The following CHI3L2 variants were observed in gnomAD, a reference collection of about 807,000 sequenced individuals.
The protein encoded by CHI3L2 is chitinase 3 like 2.
A neutral mutation model predicts 47.3 loss-of-function variants in CHI3L2; 47 were observed. The observed-to-expected ratio is 0.99, with a 90% CI of 0.79 to 1.27. The LOEUF is 1.27. Among genes scored for constraint, CHI3L2 ranks in the 50% most tolerant of loss-of-function variants. The probability of loss-of-function intolerance (pLI) is 0.00; values close to 1 mark genes in which losing one functional copy is unlikely to be tolerated. For synonymous variants in CHI3L2, 198 were observed against 169.9 expected (o/e 1.17, Z -1.28); for missense variants, 497 against 462.1 (o/e 1.08, Z -0.69).
chr1:111,242,951 T>C (rs1488130268), intron 10 of CHI3L2, among the ~76,000 whole-genome samples: 1 of 152,206 alleles, frequency 6.6e-6, no homozygotes, highest in Non-Finnish European at 1.5e-5. Flanking sequence ...CCTGTGCAGA[T>C]GAAGGCTGTT....
intron 7 of CHI3L2, among the ~76,000 whole-genome samples, chr1:111,237,725 C>A (rs1659925300): frequency 6.6e-6 from 1 of 152,166 alleles, no homozygotes; most frequent in South Asian, 2.1e-4. Context: ...AAATAAAATT[C>A]TAAGCCCCCC....
intron 7 of CHI3L2, 67 bp from the exon 8 acceptor site, chr1:111,238,683 A>T (rs1019180555): frequency 6.5e-7 from 1 of 1,528,298 alleles, no homozygotes; most frequent in Admixed American, 1.7e-5. Context: ...TTTGGGATAG[A>T]GGCTAAAAAA....
intron 7 of CHI3L2, 100 bp from the exon 8 acceptor site, chr1:111,238,650 A>G (rs1371626986): frequency 7.9e-7 from 1 of 1,269,928 alleles, no homozygotes; most frequent in African/African-American, 1.5e-5. Flanking sequence ...TAGAAAAGAA[A>G]CCAGGCAGTC....
intron 4 of CHI3L2, 45 bp from the exon 5 acceptor site, chr1:111,234,862 G>A (rs373235167): frequency 7.0e-6 from 11 of 1,575,636 alleles, no homozygotes; most frequent in African/African-American, 6.8e-5. Context: ...CACTACAAGT[G>A]TTACTTGTTC....
At chr1:111,241,301 C>T (rs1349951125) in intron 8 of CHI3L2, 26 bp from the exon 9 acceptor site, 1 of 1,250,620 alleles carries the variant, frequency 8.0e-7, no homozygotes, top group South Asian at 1.2e-5. Flanking sequence ...CATTACTGAC[C>T]CTCTCGTTTC....
intron 7 of CHI3L2, among the ~76,000 whole-genome samples, chr1:111,238,243 T>C (rs1659939906): frequency 6.6e-6 from 1 of 152,236 alleles, no homozygotes; most frequent in Non-Finnish European, 1.5e-5. Flanking sequence ...CTGAGAGCTG[T>C]GTCATGGGCC....
chr1:111,235,852 G>A (rs1659870185), intron 6 of CHI3L2, 89 bp downstream of exon 6: 9 of 1,563,606 alleles, frequency 5.8e-6, no homozygotes, highest in Non-Finnish European at 7.8e-6. Flanking sequence ...ATGAGGGGAG[G>A]AGGAAGAGAG....
chr1:111,229,515 T>G (rs1659631112), intron 1 of CHI3L2, among the ~76,000 whole-genome samples: 1 of 149,542 alleles, frequency 6.7e-6, no homozygotes, highest in African/African-American at 2.5e-5. Context: ...ACCCCGTCTC[T>G]ACTAAAAATA....
rs1365700593 is a variant in CHI3L2 at position 111,236,023 on chromosome 1, G to C, written c.606-1G>C. 6 of 1,613,812 alleles carry C rather than the reference G, an allele frequency of 3.7e-6. No homozygotes were observed. In the South Asian group the frequency reaches 6.6e-5, roughly 18 times the overall value. Reference sequence around the variant, plus strand: ...CTCTCCCATTGCTTTTGGCACTTTAGAGATCTGGATTTCATCAACCTCCTG... The same window carrying C: ...CTCTCCCATTGCTTTTGGCACTTTACAGATCTGGATTTCATCAACCTCCTG... On this transcript the variant is annotated splice_acceptor_variant, in intron 6 of 10. Transcript: ENST00000369748. LOFTEE classifies it high-confidence loss of function.
At position 111,243,420 on chromosome 1, in the gene CHI3L2, A is replaced by G; in HGVS notation, c.*206A>G. ...TTGTTGCCCTGAAGTACAATAAAAA[A>G]AATTCATTTTGCTCCAGTAAGTATG... On this transcript the variant is annotated 3_prime_UTR_variant, in exon 11 of 11. Coordinates refer to ENST00000369748, the MANE Select transcript of CHI3L2 (RefSeq NM_004000.3). 1 of 359,446 alleles carries G rather than the reference A, an allele frequency of 2.8e-6. No homozygotes were observed. Among genetic ancestry groups the G allele is most frequent in the South Asian group, 2.1e-5 (1 of 46,936 alleles). 22.3% of individuals were successfully genotyped at this position (359,446 alleles called of 1,614,324 possible).
chr1:111,242,843 T>C (rs1448290044), intron 10 of CHI3L2, among the ~76,000 whole-genome samples: 1 of 152,230 alleles, frequency 6.6e-6, no homozygotes, highest in Non-Finnish European at 1.5e-5. Context: ...TCATTATTGC[T>C]ACGCCTTTAC....
At chr1:111,230,985 A>T in intron 3 of CHI3L2, 42 bp downstream of exon 3, 1 of 1,524,520 alleles carries the variant, frequency 6.6e-7, no homozygotes, top group Non-Finnish European at 9.1e-7. Context: ...TGGATTTTAG[A>T]GGAGGGAAGC....
Position 111,241,338 on chromosome 1 carries a change from C to T in CHI3L2, c.930C>T (p.Phe310=). 2.5e-6 allele frequency: 4 copies of T among 1,577,374 alleles called. No individual in the cohort carries two copies. The highest frequency in any genetic ancestry group is 3.5e-6 in the Non-Finnish European group (4 of 1,145,944). Residue 310 remains phenylalanine (F), a synonymous_variant, in exon 9 of 11, where the codon TTC becomes TTT. Transcript: ENST00000369748. ...CTTTCCCCTGCCAGATCTGCCAGTT[C>T]CTGAAAGGAGCCAAGATCACGCGGC... ...GFLAYYEICQ[F]LKGAKITRLQ...
Position 111,235,070 on chromosome 1 carries a change from T to A in CHI3L2, c.480+13T>A. On this transcript the variant is annotated intron_variant, in intron 5 of 10. Coordinates refer to ENST00000369748, the MANE Select transcript of CHI3L2 (RefSeq NM_004000.3). ...TGTGCTGATTCATGTAAGTCATGAA[T>A]CAAGTAATTCATGTGAGTCAGATGC... 1 of 1,612,842 alleles carries A rather than the reference T, an allele frequency of 6.2e-7. No individual in the cohort carries two copies. Among genetic ancestry groups the A allele is most frequent in the South Asian group, 1.1e-5 (1 of 91,062 alleles).
At position 111,235,781 on chromosome 1, in the gene CHI3L2, A is replaced by G; in HGVS notation, c.605+18A>G. On this transcript the variant is annotated intron_variant, in intron 6 of 10. Transcript: ENST00000369748. ...CTGGCAAAGTGAGTACATCAGAGCA[A>G]CTTTCCATCCCTCTGCTTCCAATTT... The G allele has an allele frequency of 1.9e-6, 3 of 1,610,590 alleles. No individual in the cohort carries two copies. The South Asian group carries it at 3.3e-5, about 18-fold the overall frequency.
chr1:111,235,940 A>C, intron 6 of CHI3L2, 84 bp from the exon 7 acceptor site: 2 of 1,574,082 alleles, frequency 1.3e-6, no homozygotes, highest in Non-Finnish European at 1.7e-6. Context: ...TTCTAGCAGC[A>C]TCATTCAAAG....
intron 4 of CHI3L2, among the ~76,000 whole-genome samples, chr1:111,234,485 C>T (rs1262168023): frequency 6.6e-6 from 1 of 152,130 alleles, no homozygotes; most frequent in Non-Finnish European, 1.5e-5. Flanking sequence ...TGGGGGATGG[C>T]AGGGGGTGAG....
chr1:111,237,109 GAGGCTTAGAATCTTGC>G (rs1434099881), intron 7 of CHI3L2, among the ~76,000 whole-genome samples: 1 of 152,198 alleles, frequency 6.6e-6, no homozygotes. Flanking sequence ...GCAATTTGGG[GAGGCTTAGAATCTTGC>G]AGCCTTTGGC....
At position 111,232,374 on chromosome 1, in the gene CHI3L2, C is replaced by A. The variant is rs77034491; in HGVS notation, c.329+1080C>A. ...GCATTCATTCATTCATTCATTCATT[C>A]AGTAAATTCATTCAGTAAGTAATTG... is the stretch of plus-strand genomic sequence containing the variant. On this transcript the variant is annotated intron_variant, in intron 4 of 10. Transcript: ENST00000369748. 2.0e-3 allele frequency among the ~76,000 whole-genome samples: 301 copies of A among 152,034 alleles called. 1 individual carries two copies. The highest frequency in any genetic ancestry group is 6.9e-3 in the African/African-American group (285 of 41,506).
Sources: gnomAD v4.1 joint callset for allele counts (sites outside exome capture counted in the v4.1 genomes callset) on GRCh38, gnomAD v4.1.1 for gene constraint, MANE v1.5 for transcripts, NCBI Gene and HGNC (gene_info 2026-07-23, HGNC 2026-07-21) for gene names.